Variants in RAG1 observed in about 807,000 individuals in gnomAD.
The protein encoded by RAG1 is recombination activating 1.
In RAG1, 35 loss-of-function variants were observed where a neutral mutation model predicts 62.7. The observed-to-expected ratio is 0.56, with a 90% CI of 0.43 to 0.74. RAG1 has a LOEUF of 0.74. RAG1 is among the 30% of genes least tolerant of loss of function. RAG1 has a pLI of 0.00. For synonymous variants in RAG1, 461 were observed against 470.3 expected (o/e 0.98, Z 0.26); for missense variants, 1,169 against 1,278.6 (o/e 0.91, Z 1.31).
At chr11:36,538,774 T>C (rs1860370415), downstream of RAG1, among the ~76,000 whole-genome samples, 1 of 152,216 alleles carries the variant, frequency 6.6e-6, no homozygotes, top group Non-Finnish European at 1.5e-5. Context: ...GACAGCTTCT[T>C]ATCTGAGGCG....
At chr11:36,561,482 T>TCA (rs1274610747) in intron 3 of RAG1, among the ~76,000 whole-genome samples, 1 of 152,238 alleles carries the variant, frequency 6.6e-6, no homozygotes, top group Non-Finnish European at 1.5e-5. Flanking sequence ...TATGGCTGGA[T>TCA]CACAGAGTGC....
rs1850837184 is a variant in RAG1 at position 36,575,768 on chromosome 11, C to T, written c.2464C>T (p.Pro822Ser). The change falls in exon 2 of 2, where the codon CCC (proline) becomes TCC (serine). Residue 822 changes from proline to serine, a missense_variant. Pro to Ser is a moderately conservative substitution (Grantham distance 74). This residue lies in a region of RAG1 where 800 missense variants were observed against 943.3 expected (regional missense o/e 0.85). Coordinates refer to ENST00000299440, the MANE Select transcript of RAG1 (RefSeq NM_000448.3). The surrounding 1 kb of genome is among the most constrained non-coding windows in gnomAD (Gnocchi z 4.1). The part of the protein sequence containing the change: ...QLEIGEVYKN[P>S]NASKEERKRW... Reference sequence around the variant, plus strand: ...AGAGATAGGGGAAGTGTATAAGAATCCCAATGCTTCCAAAGAGGAAAGGAA... The same window carrying T: ...AGAGATAGGGGAAGTGTATAAGAATTCCAATGCTTCCAAAGAGGAAAGGAA... 1 of 1,614,062 alleles carries T rather than the reference C, an allele frequency of 6.2e-7. No individual in the cohort carries two copies. Among genetic ancestry groups the T allele is most frequent in the Non-Finnish European group, 8.5e-7 (1 of 1,180,042 alleles).
At chr11:36,533,153 C>T (rs1860280093) in intron 2 of RAG1, among the ~76,000 whole-genome samples, 1 of 152,132 alleles carries the variant, frequency 6.6e-6, no homozygotes, top group African/African-American at 2.4e-5. Context: ...CCCATAGAAA[C>T]AGGATGTCCT....
chr11:36,572,950 A>G (rs1422803108), intron 1 of RAG1, among the ~76,000 whole-genome samples: 1 of 152,178 alleles, frequency 6.6e-6, no homozygotes, highest in Non-Finnish European at 1.5e-5. Context: ...ACAAATAACT[A>G]TTGAGCACCT....
chr11:36,558,717 C>G (rs1332241520), intron 3 of RAG1, among the ~76,000 whole-genome samples: 1 of 152,046 alleles, frequency 6.6e-6, no homozygotes, highest in Non-Finnish European at 1.5e-5. Context: ...TGTTTTTGTC[C>G]ATTCAACAGT....
At chr11:36,550,042 C>T (rs1850460283) in intron 3 of RAG1, among the ~76,000 whole-genome samples, 1 of 152,150 alleles carries the variant, frequency 6.6e-6, no homozygotes, top group African/African-American at 2.4e-5. Context: ...CATGTTCTCA[C>T]TCATAAGTGG....
chr11:36,542,389 C>G (rs1327412238), intron 3 of RAG1, among the ~76,000 whole-genome samples: 1 of 152,142 alleles, frequency 6.6e-6, no homozygotes, highest in South Asian at 2.1e-4. Flanking sequence ...CGACCTCTAT[C>G]TCCTCCTCTT....
Position 36,576,990 on chromosome 11 carries a change from C to T in RAG1, c.*554C>T, listed in dbSNP as rs560604929. ...ATCTTACATTTGTACAGCATGATGA[C>T]CTTTACAAAGTGCTCTCAATGCATT... On this transcript the variant is annotated 3_prime_UTR_variant, in exon 2 of 2. Transcript: ENST00000299440. 24 of 171,396 alleles carry T rather than the reference C, an allele frequency of 1.4e-4. No homozygotes were observed. The South Asian group carries it at 4.5e-3, about 32-fold the overall frequency. 10.6% of individuals were successfully genotyped at this position (171,396 alleles called of 1,614,324 possible).
At chr11:36,532,339 T>G (rs950659327) in intron 2 of RAG1, among the ~76,000 whole-genome samples, 2 of 152,140 alleles carry the variant, frequency 1.3e-5, no homozygotes, top group African/African-American at 2.4e-5. Flanking sequence ...TTATATGTGT[T>G]AATTTTATGT....
chr11:36,574,421 A>T lies in RAG1; in HGVS notation c.1117A>T (p.Asn373Tyr). ...TGAGGAGGTCAGTTTGGAAAAATAT[A>T]ATCACCACATCTCAAGTCACAAGGA... ...CNEEVSLEKYNHHISSHKESK... is the reference protein window; with the variant it reads ...CNEEVSLEKYYHHISSHKESK... The change falls in exon 2 of 2, where the codon AAT becomes TAT. Residue 373 changes from asparagine to tyrosine, a missense_variant. Physicochemically the swap from Asn to Tyr is moderately radical, Grantham distance 143. Transcript: ENST00000299440. 6.2e-7 allele frequency: 1 copy of T among 1,614,222 alleles called. No individual in the cohort carries two copies. Among genetic ancestry groups the T allele is most frequent in the South Asian group, 1.1e-5 (1 of 91,084 alleles).
At chr11:36,564,172 G>A (rs570029324), upstream of RAG1, among the ~76,000 whole-genome samples, 24 of 152,264 alleles carry the variant, frequency 1.6e-4, no homozygotes, top group African/African-American at 4.8e-4. Flanking sequence ...TCTTGTTTGA[G>A]GAATAAGGAG....
At position 36,574,249 on chromosome 11, in the gene RAG1, C is replaced by T. The variant is rs914565199; in HGVS notation, c.945C>T (p.Val315=). ...ETNCKHVFCR[V]CILRCLKVMG... ...ACTGTAAGCATGTCTTTTGCCGGGT[C>T]TGCATTCTCAGATGCCTCAAAGTCA... Residue 315 remains valine, a synonymous_variant, in exon 2 of 2, where the codon GTC becomes GTT. Coordinates refer to ENST00000299440, the MANE Select transcript of RAG1 (RefSeq NM_000448.3). 1 of 1,614,188 alleles carries T rather than the reference C, an allele frequency of 6.2e-7. No individual in the cohort carries two copies. Among genetic ancestry groups the T allele is most frequent in the East Asian group, 2.2e-5 (1 of 44,868 alleles).
At position 36,575,833 on chromosome 11, in the gene RAG1, G is replaced by C; in HGVS notation, c.2529G>C (p.Lys843Asn). 2.5e-6 allele frequency: 4 copies of C among 1,614,242 alleles called. No individual in the cohort carries two copies. The highest frequency in any genetic ancestry group is 3.4e-6 in the Non-Finnish European group (4 of 1,180,046). ...QATLDKHLRK[K>N]MNLKPIMRMN... ...CACTGGACAAGCATCTCCGGAAGAA[G>C]ATGAACCTCAAACCAATCATGAGGA... The change falls in exon 2 of 2, where the codon AAG becomes AAC. Residue 843 changes from lysine (K) to asparagine (N), a missense_variant. Transcript: ENST00000299440. This position sits in a 1 kb window ranked among gnomAD's most constrained non-coding sequence, Gnocchi z 4.1.
At chr11:36,533,804 C>T (rs1486025478) in intron 2 of RAG1, among the ~76,000 whole-genome samples, 1 of 152,016 alleles carries the variant, frequency 6.6e-6, no homozygotes, top group African/African-American at 2.4e-5. Context: ...GCATCCTTCA[C>T]TTTTGATTAA....
chr11:36,574,767 A>T lies in RAG1; in HGVS notation c.1463A>T (p.Tyr488Phe), dbSNP rs982131090. Residue 488 changes from tyrosine (Y) to phenylalanine (F), a missense_variant, in exon 2 of 2, where the codon TAC becomes TTC. Tyr to Phe is a conservative substitution (Grantham distance 22). Around this residue, in one of 2 missense-constraint regions of RAG1, gnomAD observed 800 missense variants for 943.3 expected, o/e 0.85. Coordinates refer to ENST00000299440, the MANE Select transcript of RAG1 (RefSeq NM_000448.3). ...AGCTGCAGTCAGTACCACAAGATGTACAGGACTGTGAAAGCCATCACAGGG... is the reference window on the plus strand; with the variant it reads ...AGCTGCAGTCAGTACCACAAGATGTTCAGGACTGTGAAAGCCATCACAGGG... ...FLSCSQYHKM[Y>F]RTVKAITGRQ... 1 of 1,614,218 alleles carries T rather than the reference A, an allele frequency of 6.2e-7. No individual in the cohort carries two copies. The highest frequency in any genetic ancestry group is 1.7e-5 in the Admixed American group (1 of 60,030).
chr11:36,523,177 C>T (rs762396115), intron 2 of RAG1, among the ~76,000 whole-genome samples: 6 of 152,164 alleles, frequency 3.9e-5, no homozygotes, highest in Non-Finnish European at 7.3e-5. Flanking sequence ...TGATTTGGCT[C>T]TGTGTCCTCA....
intron 2 of RAG1, among the ~76,000 whole-genome samples, chr11:36,531,452 T>G (rs1860253750): frequency 6.6e-6 from 1 of 152,040 alleles, no homozygotes; most frequent in Middle Eastern, 3.4e-3. Context: ...CATTTTGATG[T>G]TTTATATAGT....
At chr11:36,561,040 T>C (rs996374452) in intron 3 of RAG1, among the ~76,000 whole-genome samples, 13 of 152,204 alleles carry the variant, frequency 8.5e-5, no homozygotes, top group Non-Finnish European at 2.9e-5. Context: ...GTACCTTCCT[T>C]AGGCACAATT....
intron 2 of RAG1, among the ~76,000 whole-genome samples, chr11:36,526,045 T>C (rs1860157169): frequency 6.6e-6 from 1 of 152,212 alleles, no homozygotes; most frequent in Non-Finnish European, 1.5e-5. Flanking sequence ...GAGATAAATG[T>C]TGCAAAATTC....
Sources: allele counts gnomAD v4.1 joint callset (sites outside exome capture counted in the v4.1 genomes callset), GRCh38; gene constraint gnomAD v4.1.1; regional missense constraint gnomAD v4.1.1; non-coding constraint Gnocchi (gnomAD v3.1); transcripts MANE v1.5; gene names NCBI Gene and HGNC (gene_info 2026-07-23, HGNC 2026-07-21).